DIPK2A: variants seen among roughly 807,000 people sequenced by gnomAD.
The protein encoded by DIPK2A is divergent protein kinase domain 2A.
DIPK2A carries 27 observed loss-of-function variants against 39.0 expected under a neutral mutation model. The ratio of observed to expected loss-of-function variants is 0.69; its 90% confidence interval spans 0.51 to 0.96. The LOEUF is 0.96. Ranked by LOEUF, DIPK2A falls within the 40% of genes least tolerant of loss-of-function variation. The pLI is 0.00. For synonymous variants in DIPK2A, 298 were observed against 240.8 expected (o/e 1.24, Z -2.20); for missense variants, 528 against 571.3 (o/e 0.92, Z 0.77).
At chr3:143,980,353 T>G (rs1224010608) in intron 1 of DIPK2A, among the ~76,000 whole-genome samples, 4 of 152,166 alleles carry the variant, frequency 2.6e-5, no homozygotes, top group Non-Finnish European at 2.9e-5. Context: ...CTGTAACCTC[T>G]GCCTCCCGGG....
chr3:143,983,950 GCTAGAT>G (rs2087862667), intron 1 of DIPK2A, among the ~76,000 whole-genome samples: 2 of 152,078 alleles, frequency 1.3e-5, no homozygotes, highest in Non-Finnish European at 1.5e-5. Flanking sequence ...AATTATCTTA[GCTAGAT>G]CTTCTGGATA....
rs559892943 is a variant in DIPK2A at position 143,972,980 on chromosome 3, G to A, written c.648G>A (p.Leu216=). ...CCCTGGCCTTCAACCCCGAGCCGCTGGTGCTACAGGTAGGCGCGGAGCCAG... is the reference window on the plus strand; with the variant it reads ...CCCTGGCCTTCAACCCCGAGCCGCTAGTGCTACAGGTAGGCGCGGAGCCAG... The part of the protein sequence containing the change: ...LLTLAFNPEP[L]VLQSFPSDEG... Residue 216 remains leucine (L), a synonymous_variant, in exon 1 of 3, where the codon CTG becomes CTA. Coordinates refer to ENST00000315691, the MANE Select transcript of DIPK2A (RefSeq NM_173552.5). 6.3e-7 allele frequency: 1 copy of A among 1,584,212 alleles called. No homozygotes were observed. Among genetic ancestry groups the A allele is most frequent in the South Asian group, 1.1e-5 (1 of 87,848 alleles).
chr3:143,978,604 A>ATATATATATATCTATATC (rs1559854004), intron 1 of DIPK2A: 3 of 35,586 alleles, frequency 8.4e-5, no homozygotes, highest in South Asian at 7.3e-4. Flanking sequence ...CTATCTATCT[A>ATATATATATATCTATATC]TATATATATA....
Position 143,972,752 on chromosome 3 carries a change from C to A in DIPK2A, c.420C>A (p.Ala140=). 6.3e-7 allele frequency: 1 copy of A among 1,579,410 alleles called. No individual in the cohort carries two copies. The highest frequency in any genetic ancestry group is 8.6e-7 in the Non-Finnish European group (1 of 1,166,284). Residue 140 remains alanine (A), a synonymous_variant, in exon 1 of 3, where the codon GCC becomes GCA. Coordinates refer to ENST00000315691, the MANE Select transcript of DIPK2A (RefSeq NM_173552.5). ...TGRPRCDLLQ[A]MPRTEFARLN... ...GGCCCCGCTGCGACCTGCTGCAGGCCATGCCCCGGACCGAGTTCGCGCGCC... is the reference window on the plus strand; with the variant it reads ...GGCCCCGCTGCGACCTGCTGCAGGCAATGCCCCGGACCGAGTTCGCGCGCC...
Position 143,990,917 on chromosome 3 carries a change from CT to C in DIPK2A, c.*1080del, listed in dbSNP as rs2087976561. The C allele has an allele frequency of 6.6e-6, 1 of 152,312 alleles. No homozygotes were observed. The highest frequency in any genetic ancestry group is 1.5e-5 in the Non-Finnish European group (1 of 67,974). 9.4% of individuals were successfully genotyped at this position (152,312 alleles called of 1,614,324 possible). On this transcript the variant is annotated 3_prime_UTR_variant, in exon 3 of 3. Transcript: ENST00000315691. ...TTCAAGTAATTTAAAGTTATCCTAC[CT>C]TTTATTCATGGGTAGTTTTGCAAAA...
chr3:143,989,545 A>G lies in DIPK2A; in HGVS notation c.997A>G (p.Lys333Glu). The G allele has an allele frequency of 5.0e-6, 8 of 1,613,916 alleles. No homozygotes were observed. The highest frequency in any genetic ancestry group is 6.8e-6 in the Non-Finnish European group (8 of 1,179,786). ...AAATTGGGATGTATGGTATGAAAGC[A>G]AGTTTGATGACTGTGATAAGGAGGC... ...PENWDVWYES[K>E]FDDCDKEACL... Residue 333 changes from lysine to glutamate, a missense_variant, in exon 3 of 3, where the codon AAG becomes GAG. This residue lies in a region of DIPK2A where 219 missense variants were observed against 281.5 expected (regional missense o/e 0.78). Transcript: ENST00000315691.
Position 143,972,951 on chromosome 3 carries a change from C to G in DIPK2A, c.619C>G (p.Leu207Val). 6.3e-7 allele frequency: 1 copy of G among 1,588,306 alleles called. No individual in the cohort carries two copies. The highest frequency in any genetic ancestry group is 1.1e-5 in the South Asian group (1 of 88,092). ...LKDSERMQLL[L>V]TLAFNPEPLV... ...GGACTCGGAGCGCATGCAGCTGCTGCTGACCCTGGCCTTCAACCCCGAGCC... is the reference window on the plus strand; with the variant it reads ...GGACTCGGAGCGCATGCAGCTGCTGGTGACCCTGGCCTTCAACCCCGAGCC... The change falls in exon 1 of 3, where the codon CTG becomes GTG. Residue 207 changes from leucine (L) to valine (V), a missense_variant. Transcript: ENST00000315691.
intron 1 of DIPK2A, among the ~76,000 whole-genome samples, chr3:143,980,247 CTCTT>C (rs1158589470): frequency 3.6e-5 from 5 of 137,046 alleles, no homozygotes; most frequent in South Asian, 4.6e-4. Flanking sequence ...CTTAAGTTAG[CTCTT>C]TCTTTCTTTT....
At chr3:143,973,741 G>C in intron 1 of DIPK2A, 1 of 610,042 alleles carries the variant, frequency 1.6e-6, no homozygotes, top group South Asian at 2.0e-5. Context: ...TATTAGGCCA[G>C]GGCGAGTATC....
chr3:143,979,821 A>G (rs1456447870), intron 1 of DIPK2A, among the ~76,000 whole-genome samples: 1 of 152,188 alleles, frequency 6.6e-6, no homozygotes, highest in African/African-American at 2.4e-5. Context: ...GTTGGACATG[A>G]TATTCAGTAA....
At chr3:143,980,128 A>G (rs1401674105) in intron 1 of DIPK2A, among the ~76,000 whole-genome samples, 2 of 152,252 alleles carry the variant, frequency 1.3e-5, no homozygotes, top group Non-Finnish European at 2.9e-5. Context: ...CTGTGAACAC[A>G]TTAGTCTGTC....
At chr3:143,976,866 C>T (rs916769086) in intron 1 of DIPK2A, among the ~76,000 whole-genome samples, 6 of 151,902 alleles carry the variant, frequency 3.9e-5, no homozygotes, top group South Asian at 2.1e-4. Context: ...AAGCACTTCA[C>T]GTAGTATCTG....
intron 2 of DIPK2A, among the ~76,000 whole-genome samples, chr3:143,987,631 T>TA (rs2087922472): frequency 2.0e-5 from 3 of 152,236 alleles, no homozygotes; most frequent in South Asian, 4.1e-4. Flanking sequence ...CAGCAACAGA[T>TA]AGATTCTTCT....
chr3:143,978,649 T>TATATATATATCTATATATAG (rs1559854219), intron 1 of DIPK2A: 6 of 41,580 alleles, frequency 1.4e-4, no homozygotes, highest in Non-Finnish European at 2.1e-4. Context: ...TCTATATATA[T>TATATATATATCTATATATAG]ATATATATAT....
chr3:143,985,195 T>C (rs1005584413), intron 1 of DIPK2A, among the ~76,000 whole-genome samples: 2 of 152,212 alleles, frequency 1.3e-5, no homozygotes, highest in Non-Finnish European at 2.9e-5. Flanking sequence ...GATTGGTTGA[T>C]TACATTTACA....
chr3:143,974,151 T>G (rs77716563), intron 1 of DIPK2A, among the ~76,000 whole-genome samples: 2,602 of 151,752 alleles, frequency 0.017, 77 homozygotes, highest in African/African-American at 0.06. Flanking sequence ...CTAAAATGCA[T>G]GAATAGGAAA....
At position 143,991,097 on chromosome 3, in the gene DIPK2A, ATTAT is replaced by A. The variant is rs1410404286; in HGVS notation, c.*1259_*1262del. ...GTTAAACATCAGAACATCAAATTTA[ATTAT>A]TTGCATAGAAATGTGTGGGCTCTTT... On this transcript the variant is annotated 3_prime_UTR_variant, in exon 3 of 3. Transcript: ENST00000315691. The A allele has an allele frequency of 6.6e-6, 1 of 152,610 alleles. No homozygotes were observed. The highest frequency in any genetic ancestry group is 2.4e-5 in the African/African-American group (1 of 41,468). 9.5% of individuals were successfully genotyped at this position (152,610 alleles called of 1,614,324 possible).
Position 143,990,974 on chromosome 3 carries a change from C to A in DIPK2A, c.*1133C>A, listed in dbSNP as rs753352872. On this transcript the variant is annotated 3_prime_UTR_variant, in exon 3 of 3. Transcript: ENST00000315691. Reference sequence around the variant, plus strand: ...ATGGTAGCCATTGTTTGAATTTAATCGGGCATCATAACTTTTCATTTATTG... The same window carrying A: ...ATGGTAGCCATTGTTTGAATTTAATAGGGCATCATAACTTTTCATTTATTG... 6.6e-6 allele frequency: 1 copy of A among 152,198 alleles called. No homozygotes were observed. Among genetic ancestry groups the A allele is most frequent in the African/African-American group, 2.4e-5 (1 of 41,422 alleles). The allele number at this position is 152,198 out of a possible 1,614,324, so 9.4% of individuals were successfully genotyped here. A position where few individuals can be genotyped will look rare whatever the true frequency, so the allele number is the denominator to read the frequency against.
intron 1 of DIPK2A, among the ~76,000 whole-genome samples, chr3:143,982,142 T>TA (rs1156624841): frequency 1.4e-4 from 21 of 152,350 alleles, no homozygotes. Context: ...CTACGTTTCT[T>TA]ATAGCATCAG....
Sources: allele counts gnomAD v4.1 joint callset (sites outside exome capture counted in the v4.1 genomes callset), GRCh38; gene constraint gnomAD v4.1.1; regional missense constraint gnomAD v4.1.1; transcripts MANE v1.5; gene names NCBI Gene and HGNC (gene_info 2026-07-23, HGNC 2026-07-21).